The following EML1 variants were observed in gnomAD, a reference collection of about 807,000 sequenced individuals.
EML1 encodes EMAP like 1, also known as echinoderm microtubule-associated protein-like 1.
Under a neutral mutation model 110.4 loss-of-function variants are expected in EML1, and 27 were observed. The observed-to-expected ratio is 0.24, with a 90% confidence interval of 0.18 to 0.34. EML1 has a LOEUF of 0.34. Among genes scored for constraint, EML1 ranks in the 10% least tolerant of loss-of-function variants. EML1 has a pLI of 1.00. For missense variants in EML1, 741 were observed against 1,030.9 expected (o/e 0.72, Z 3.85); for synonymous variants, 344 against 385.8 (o/e 0.89, Z 1.27).
intron 15 of EML1, among the ~76,000 whole-genome samples, chr14:99,916,793 A>C (rs556927779): frequency 6.6e-6 from 1 of 152,186 alleles, no homozygotes; most frequent in Non-Finnish European, 1.5e-5. Context: ...GAGTGGCCAC[A>C]TCTCACCTTC....
intron 1 of EML1, among the ~76,000 whole-genome samples, chr14:99,848,528 C>T (rs2058740566): frequency 6.6e-6 from 1 of 152,110 alleles, no homozygotes; most frequent in South Asian, 2.1e-4. Context: ...TAATTAATGA[C>T]ATATACTTCA....
chr14:99,753,391 C>T lies in EML1; in HGVS notation c.28+15531C>T, dbSNP rs117131521. ...GGGGGGTCAAGCGGATCCCTGTGGG[C>T]CCCTCCGGCCTCCCTGCCCAGGACC... On this transcript the variant is annotated intron_variant, in intron 1 of 10. Coordinates refer to the EML1 transcript ENST00000554479. Among the ~76,000 whole-genome samples the T allele has an allele frequency of 6.6e-3, 1,010 of 151,898 alleles. 26 individuals carry two copies. The East Asian group carries it at 0.074, about 11-fold the overall frequency.
Position 99,939,351 on chromosome 14 carries a change from A to T in EML1, c.2322+24A>T. ...GGGTAAAGGACTTGTTTCTTCACTA[A>T]TCTTATCCCCCATGGGGCATGCACG... is the stretch of plus-strand genomic sequence containing the variant. On this transcript the variant is annotated intron_variant, in intron 21 of 21. Transcript: ENST00000262233. This position sits in a 1 kb window ranked among gnomAD's most constrained non-coding sequence, Gnocchi z 4.2. The T allele has an allele frequency of 1.9e-6, 3 of 1,613,878 alleles. No individual in the cohort carries two copies. The South Asian group carries it at 3.3e-5, about 18-fold the overall frequency.
intron 1 of EML1, among the ~76,000 whole-genome samples, chr14:99,800,124 AATT>A (rs1396247991): frequency 1.6e-4 from 25 of 152,198 alleles, no homozygotes; most frequent in African/African-American, 5.5e-4. Context: ...AAAGCTGTAT[AATT>A]ATTATTGATA....
rs1237851562 is a variant in EML1, at chr14:99,938,010, C to CA, written c.2191+99dup. ...GGAGTCTCATGGTCACCAGTCTTGT[C>CA]AGATTGCTCGGCTGCTACGGGAGGC... On this transcript the variant is annotated intron_variant, in intron 20 of 21. Transcript: ENST00000262233. The CA allele has an allele frequency of 3.1e-6, 4 of 1,286,134 alleles. No individual in the cohort carries two copies. The East Asian group carries it at 7.2e-5, about 23-fold the overall frequency. 79.7% of individuals were successfully genotyped at this position (1,286,134 alleles called of 1,614,324 possible). A position where few individuals can be genotyped will look rare whatever the true frequency, so the allele number is the denominator to read the frequency against.
At chr14:99,927,990 A>G (rs796591306) in intron 17 of EML1, among the ~76,000 whole-genome samples, 115 of 408 alleles carry the variant, frequency 0.28, 1 homozygote, top group Middle Eastern at 0.5. Context: ...GGTGGTGGTG[A>G]TGGTGGTGGT....
intron 3 of EML1, among the ~76,000 whole-genome samples, chr14:99,868,699 T>C (rs545448688): frequency 6.6e-6 from 1 of 152,286 alleles, no homozygotes; most frequent in South Asian, 2.1e-4. Context: ...TTTCTGTCTT[T>C]CTTTGTTAGT....
At chr14:99,863,467 C>A (rs1408456138) in intron 2 of EML1, among the ~76,000 whole-genome samples, 1 of 152,204 alleles carries the variant, frequency 6.6e-6, no homozygotes, top group Non-Finnish European at 1.5e-5. Context: ...TGGTATCTTA[C>A]AGAATAGTTT....
chr14:99,749,584 A>T lies in EML1; in HGVS notation c.28+11724A>T, dbSNP rs141312685. 4.2e-3 allele frequency among the ~76,000 whole-genome samples: 643 copies of T among 152,324 alleles called. 7 individuals carry two copies. Among genetic ancestry groups the T allele is most frequent in the African/African-American group, 0.015 (605 of 41,582 alleles). ...TGGGACATTTGCTGCTTGAAGCTGC[A>T]GGCTGGGGTTAGGGTCCTTCCTCTG... On this transcript the variant is annotated intron_variant, in intron 1 of 10. Coordinates refer to the EML1 transcript ENST00000554479.
rs575168570 is a variant in EML1 at position 99,940,330 on chromosome 14, T to C, written c.*218T>C. 5.3e-4 allele frequency: 232 copies of C among 434,366 alleles called. No homozygotes were observed. Among genetic ancestry groups the C allele is most frequent in the Non-Finnish European group, 8.2e-4 (217 of 264,186 alleles). 26.9% of individuals were successfully genotyped at this position (434,366 alleles called of 1,614,324 possible). On this transcript the variant is annotated 3_prime_UTR_variant, in exon 22 of 22. Coordinates refer to ENST00000262233, the MANE Select transcript of EML1 (RefSeq NM_004434.3). The stretch of plus-strand genomic sequence containing the variant: ...TGTACAATATATGACACAGTGCACA[T>C]TGAATACCAACAAGGTTGCAACGTT...
In EML1 at chr14:99,905,758, C is replaced by G. The variant is rs1487639195; in HGVS notation, c.1009-1880C>G. ...AAAAGGACTTTACTGAGAGGGACCT[C>G]TAACCCCCTAAATCTTAGGAAGGAC... is the stretch of plus-strand genomic sequence containing the variant. On this transcript the variant is annotated intron_variant, in intron 9 of 21. Transcript: ENST00000262233. This position sits in a 1 kb window ranked among gnomAD's most constrained non-coding sequence, Gnocchi z 4.1. Among the ~76,000 whole-genome samples, 2 of 152,148 alleles carry G rather than the reference C, an allele frequency of 1.3e-5. No individual in the cohort carries two copies. The highest frequency in any genetic ancestry group is 2.4e-5 in the African/African-American group (1 of 41,452).
At chr14:99,917,977 A>G in intron 16 of EML1, 128 bp downstream of exon 16, 1 of 899,656 alleles carries the variant, frequency 1.1e-6, no homozygotes, top group Non-Finnish European at 1.7e-6. Context: ...ATGACTTACC[A>G]AGAATTAAGT....
At chr14:99,806,540 T>C (rs1444895086) in intron 1 of EML1, among the ~76,000 whole-genome samples, 1 of 152,038 alleles carries the variant, frequency 6.6e-6, no homozygotes, top group East Asian at 1.9e-4. Flanking sequence ...GGTCTCGAAC[T>C]CCCAACCTCA....
At chr14:99,929,718 A>T (rs1185073448) in intron 17 of EML1, among the ~76,000 whole-genome samples, 1 of 152,190 alleles carries the variant, frequency 6.6e-6, no homozygotes, top group African/African-American at 2.4e-5. Flanking sequence ...AGAGAGAGAG[A>T]GAGAAAGCAT....
chr14:99,751,154 A>G (rs986284604), intron 1 of EML1, among the ~76,000 whole-genome samples: 1 of 152,142 alleles, frequency 6.6e-6, no homozygotes, highest in Non-Finnish European at 1.5e-5. Flanking sequence ...GTCCTGGGGT[A>G]CAGAGGACAG....
chr14:99,939,441 G>T lies in EML1; in HGVS notation c.2322+114G>T, dbSNP rs1454016557. On this transcript the variant is annotated intron_variant, in intron 21 of 21. Transcript: ENST00000262233. The surrounding 1 kb of genome is among the most constrained non-coding windows in gnomAD (Gnocchi z 4.2). Reference sequence around the variant, plus strand: ...TGAGCGACTGCTGCCAGCCACAAAGGCAGATGTGACTCTGTTCTTTGCGCC... The same window carrying T: ...TGAGCGACTGCTGCCAGCCACAAAGTCAGATGTGACTCTGTTCTTTGCGCC... The T allele has an allele frequency of 7.3e-6, 11 of 1,501,766 alleles. No individual in the cohort carries two copies. Among genetic ancestry groups the T allele is most frequent in the Admixed American group, 1.9e-5 (1 of 52,072 alleles). The allele number at this position is 1,501,766 out of a possible 1,614,324, so 93.0% of individuals were successfully genotyped here.
chr14:99,785,606 G>A (rs1177680417), intron 1 of EML1, among the ~76,000 whole-genome samples: 1 of 152,150 alleles, frequency 6.6e-6, no homozygotes, highest in Non-Finnish European at 1.5e-5. Context: ...AAATACAGAT[G>A]ATACGTTTGA....
rs115118891 is a variant in EML1 at position 99,857,987 on chromosome 14, A to G, written c.250+6952A>G. Among the ~76,000 whole-genome samples the G allele has an allele frequency of 4.2e-3, 637 of 152,288 alleles. 1 individual carries two copies. Among genetic ancestry groups the G allele is most frequent in the African/African-American group, 0.015 (603 of 41,560 alleles). ...CATGGTACAATGGACAGCCCCATCT[A>G]CATGTACCTTTTGATAATTTCGAAA... is the stretch of plus-strand genomic sequence containing the variant. On this transcript the variant is annotated intron_variant, in intron 2 of 21. Coordinates refer to ENST00000262233, the MANE Select transcript of EML1 (RefSeq NM_004434.3).
chr14:99,906,457 G>A (rs191306884), intron 9 of EML1, among the ~76,000 whole-genome samples: 6 of 152,264 alleles, frequency 3.9e-5, no homozygotes, highest in Non-Finnish European at 7.4e-5. Flanking sequence ...ACTTCCTGAC[G>A]TTGCCATGAC....
Sources: gnomAD v4.1 joint callset for allele counts (sites outside exome capture counted in the v4.1 genomes callset) on GRCh38, gnomAD v4.1.1 for gene constraint, Gnocchi (gnomAD v3.1) non-coding constraint, MANE v1.5 for transcripts, NCBI Gene and HGNC (gene_info 2026-07-23, HGNC 2026-07-21) for gene names.